The following EDARADD variants were observed in gnomAD, a reference collection of about 807,000 sequenced individuals.
EDARADD encodes EDAR associated via death domain.
In EDARADD, 20 loss-of-function variants were observed where a neutral mutation model predicts 25.6. That is an observed-to-expected ratio of 0.78 (90% confidence interval 0.55 to 1.14). The LOEUF is 1.14. Ranked by LOEUF, EDARADD falls within the 50% of genes most tolerant of loss-of-function variation. The pLI is 0.00. For missense variants in EDARADD, 225 were observed against 270.1 expected (o/e 0.83, Z 1.17); for synonymous variants, 86 against 94.4 (o/e 0.91, Z 0.52).
chr1:236,475,628 G>C lies in EDARADD; in HGVS notation c.266-6639G>C, dbSNP rs562678126. Among the ~76,000 whole-genome samples, 6 of 151,852 alleles carry C rather than the reference G, an allele frequency of 4.0e-5. No homozygotes were observed. The South Asian group carries it at 1.3e-3, about 32-fold the overall frequency. On this transcript the variant is annotated intron_variant, in intron 5 of 5. Coordinates refer to ENST00000334232, the MANE Select transcript of EDARADD (RefSeq NM_145861.4). ...AAATACAAAAAATTAGCTGGCAGTA[G>C]TGGCAGGCGCCTCTAATCTCAGCTA...
chr1:236,369,645 C>A (rs1354467245), intron 3 of EDARADD, among the ~76,000 whole-genome samples: 1 of 152,042 alleles, frequency 6.6e-6, no homozygotes, highest in Non-Finnish European at 1.5e-5. Context: ...AGTTCGAGAC[C>A]AGCCTCAACA....
rs149483503 is a variant in EDARADD, at chr1:236,435,562, A to G, written c.219+8112A>G. 4.1e-4 allele frequency among the ~76,000 whole-genome samples: 62 copies of G among 152,330 alleles called. 2 individuals carry two copies. In the East Asian group the frequency reaches 0.011, roughly 26 times the overall value. ...GAGGCACAGCGTGGTCAAGAGGGAG[A>G]CCTACCAAGATGTCATTGGATTTAC... On this transcript the variant is annotated intron_variant, in intron 4 of 5. Transcript: ENST00000334232.
chr1:236,469,702 G>A (rs1659308321), intron 5 of EDARADD, among the ~76,000 whole-genome samples: 1 of 151,932 alleles, frequency 6.6e-6, no homozygotes, highest in Non-Finnish European at 1.5e-5. Context: ...TTTCCCCTTA[G>A]AAACACGATA....
At chr1:236,429,607 A>G (rs1449177305) in intron 4 of EDARADD, among the ~76,000 whole-genome samples, 1 of 150,806 alleles carries the variant, frequency 6.6e-6, no homozygotes, top group Non-Finnish European at 1.5e-5. Flanking sequence ...CTAGTCTCGA[A>G]CTCTTGGCCT....
intron 3 of EDARADD, among the ~76,000 whole-genome samples, chr1:236,355,404 C>T (rs1363635985): frequency 2.0e-5 from 3 of 151,444 alleles, no homozygotes; most frequent in African/African-American, 7.3e-5. Context: ...TGTTAGCCCT[C>T]TCTAATCTCT....
chr1:236,443,290 AT>A (rs1658451089), intron 4 of EDARADD, among the ~76,000 whole-genome samples: 1 of 152,208 alleles, frequency 6.6e-6, no homozygotes, highest in Non-Finnish European at 1.5e-5. Flanking sequence ...CCAAGAAATA[AT>A]TTTGACTTTC....
At chr1:236,446,836 G>A (rs1161021835) in intron 4 of EDARADD, among the ~76,000 whole-genome samples, 1 of 152,198 alleles carries the variant, frequency 6.6e-6, no homozygotes, top group Non-Finnish European at 1.5e-5. Context: ...AGGCTGTCCT[G>A]GTCCTGTTTG....
intron 3 of EDARADD, among the ~76,000 whole-genome samples, chr1:236,379,195 C>T (rs1293430532): frequency 6.6e-6 from 1 of 151,440 alleles, no homozygotes; most frequent in Non-Finnish European, 1.5e-5. Context: ...CATGGTGAAA[C>T]CCTGTCTCTA....
intron 5 of EDARADD, among the ~76,000 whole-genome samples, chr1:236,471,285 T>A (rs1251199442): frequency 1.3e-5 from 2 of 152,168 alleles, no homozygotes; most frequent in Non-Finnish European, 2.9e-5. Context: ...CCAAAAGCCC[T>A]TGGGTCAGTT....
chr1:236,475,493 T>C (rs889644009), intron 5 of EDARADD, among the ~76,000 whole-genome samples: 3 of 152,110 alleles, frequency 2.0e-5, no homozygotes, highest in Non-Finnish European at 4.4e-5. Flanking sequence ...GGGCGAGCAC[T>C]GTGGCCCATG....
intron 1 of EDARADD, among the ~76,000 whole-genome samples, chr1:236,404,722 G>T (rs566389980): frequency 6.6e-6 from 1 of 152,328 alleles, no homozygotes; most frequent in South Asian, 2.1e-4. Context: ...AGGATCGCTT[G>T]TGCTTGGGAG....
intron 4 of EDARADD, among the ~76,000 whole-genome samples, chr1:236,447,641 T>G (rs1571940815): frequency 6.6e-6 from 1 of 152,214 alleles, no homozygotes; most frequent in East Asian, 1.9e-4. Flanking sequence ...GGCCACCCTA[T>G]GAGTAGCACA....
chr1:236,379,305 G>T (rs957727168), intron 3 of EDARADD, among the ~76,000 whole-genome samples: 1 of 151,930 alleles, frequency 6.6e-6, no homozygotes, highest in South Asian at 2.1e-4. Flanking sequence ...GGGAGGCGGA[G>T]GTTGCAGTGA....
At chr1:236,382,983 T>C (rs1667317978) in intron 3 of EDARADD, among the ~76,000 whole-genome samples, 1 of 152,184 alleles carries the variant, frequency 6.6e-6, no homozygotes, top group African/African-American at 2.4e-5. Context: ...CCCTACAGTA[T>C]TCTGTCCTGA....
intron 4 of EDARADD, among the ~76,000 whole-genome samples, chr1:236,448,798 T>G (rs1363425290): frequency 6.6e-6 from 1 of 152,156 alleles, no homozygotes; most frequent in Non-Finnish European, 1.5e-5. Context: ...TTATAGGACA[T>G]TAGAAGTGGA....
intron 4 of EDARADD, among the ~76,000 whole-genome samples, chr1:236,463,776 C>T (rs1198053000): frequency 1.3e-5 from 2 of 152,326 alleles, no homozygotes; most frequent in South Asian, 2.1e-4. Flanking sequence ...GCTGGGCCAA[C>T]GGATATCTCA....
At chr1:236,471,339 C>A (rs917328021) in intron 5 of EDARADD, among the ~76,000 whole-genome samples, 2 of 152,002 alleles carry the variant, frequency 1.3e-5, no homozygotes, top group African/African-American at 4.8e-5. Context: ...CTGAAAGCGG[C>A]TAACATATAA....
At chr1:236,350,517 C>T (rs934433381) in intron 2 of EDARADD, among the ~76,000 whole-genome samples, 1 of 152,336 alleles carries the variant, frequency 6.6e-6, no homozygotes, top group Admixed American at 6.5e-5. Flanking sequence ...TCAGGTCATC[C>T]TCCCGCCTCG....
intron 2 of EDARADD, among the ~76,000 whole-genome samples, chr1:236,413,854 A>T (rs980896303): frequency 6.6e-6 from 1 of 152,176 alleles, no homozygotes; most frequent in African/African-American, 2.4e-5. Flanking sequence ...TGCAATAGTG[A>T]GTACTGCCCA....
Sources: allele counts gnomAD v4.1 joint callset (sites outside exome capture counted in the v4.1 genomes callset), GRCh38; gene constraint gnomAD v4.1.1; transcripts MANE v1.5; gene names NCBI Gene and HGNC (gene_info 2026-07-23, HGNC 2026-07-21).